UGT1A4: variants seen among roughly 807,000 people sequenced by gnomAD.
The protein encoded by UGT1A4 is UDP-glucuronosyltransferase 1A4.
Under a neutral mutation model 41.1 loss-of-function variants are expected in UGT1A4, and 32 were observed. That is an observed-to-expected ratio of 0.78 (90% CI 0.59 to 1.05). The LOEUF (loss-of-function observed/expected upper bound fraction) is 1.05, where lower values mean the gene tolerates loss of function less well. Ranked by LOEUF, UGT1A4 falls within the 50% of genes least tolerant of loss-of-function variation. The pLI is 0.00. For synonymous variants in UGT1A4, 283 were observed against 265.1 expected (o/e 1.07, Z -0.66); for missense variants, 748 against 677.4 (o/e 1.10, Z -1.16).
intron 1 of UGT1A4, among the ~76,000 whole-genome samples, chr2:233,722,482 A>G (rs1187534654): frequency 6.6e-6 from 1 of 151,926 alleles, no homozygotes; most frequent in Non-Finnish European, 1.5e-5. Context: ...TATTCTTTTC[A>G]CTGTTTCATT....
At chr2:233,751,873 T>C (rs1694839350) in intron 1 of UGT1A4, among the ~76,000 whole-genome samples, 1 of 152,168 alleles carries the variant, frequency 6.6e-6, no homozygotes, top group African/African-American at 2.4e-5. Flanking sequence ...AATTACCCCG[T>C]CTTGGGTATG....
At chr2:233,744,167 C>T (rs571958396) in intron 1 of UGT1A4, among the ~76,000 whole-genome samples, 8 of 151,954 alleles carry the variant, frequency 5.3e-5, no homozygotes, top group South Asian at 4.1e-4. Flanking sequence ...CCGCCCACTC[C>T]GGCCTCCAAC....
At chr2:233,724,757 G>A (rs2077306288) in intron 1 of UGT1A4, among the ~76,000 whole-genome samples, 1 of 143,864 alleles carries the variant, frequency 7.0e-6, no homozygotes, top group Non-Finnish European at 1.5e-5. Context: ...CCAGACGATG[G>A]GCGGCCAGGC....
intron 1 of UGT1A4, among the ~76,000 whole-genome samples, chr2:233,748,687 A>G (rs1421247794): frequency 6.6e-6 from 1 of 151,492 alleles, no homozygotes; most frequent in Non-Finnish European, 1.5e-5. Flanking sequence ...CTGACAAAAG[A>G]TTTTTCTGGT....
chr2:233,765,251 A>C (rs1476483631), intron 1 of UGT1A4, among the ~76,000 whole-genome samples: 1 of 152,222 alleles, frequency 6.6e-6, no homozygotes, highest in African/African-American at 2.4e-5. Flanking sequence ...TAATCCCATT[A>C]CTGGGTATAT....
chr2:233,768,108 G>C, intron 3 of UGT1A4, 112 bp from the exon 4 acceptor site: 1 of 1,594,934 alleles, frequency 6.3e-7, no homozygotes, highest in South Asian at 1.1e-5. Flanking sequence ...GCAAATTTCT[G>C]CAAGGGCATG....
At chr2:233,729,773 AC>A (rs1344776353) in intron 1 of UGT1A4, 1 of 1,613,832 alleles carries the variant, frequency 6.2e-7, no homozygotes, top group African/African-American at 1.3e-5. Context: ...AACATGCTCT[AC>A]CCTCTGGCCC....
At chr2:233,748,842 G>A (rs562838283) in intron 1 of UGT1A4, among the ~76,000 whole-genome samples, 4 of 151,506 alleles carry the variant, frequency 2.6e-5, no homozygotes, top group South Asian at 2.1e-4. Context: ...ATAAAACTGT[G>A]AGCGTATAAG....
intron 1 of UGT1A4, among the ~76,000 whole-genome samples, chr2:233,724,206 A>T (rs2077188856): frequency 1.7e-5 from 2 of 117,190 alleles, no homozygotes; most frequent in African/African-American, 3.7e-5. Flanking sequence ...GGCCGGGCTG[A>T]GGGGCTCCTC....
chr2:233,760,363 C>A lies in UGT1A4; in HGVS notation c.868-6671C>A, dbSNP rs1400895192. On this transcript the variant is annotated intron_variant, in intron 1 of 4. Transcript: ENST00000373409. ...GTGTGTGCTGGGCCCAGTGGTGTCC[C>A]ATGCTGGGAAGATACTGTTGATCCC... is the stretch of plus-strand genomic sequence containing the variant. 5.0e-6 allele frequency: 8 copies of A among 1,614,118 alleles called. No homozygotes were observed. In the East Asian group the frequency reaches 1.8e-4, roughly 36 times the overall value.
chr2:233,767,989 T>C lies in UGT1A4; in HGVS notation c.1087+53T>C, dbSNP rs1699539176. The C allele has an allele frequency of 3.1e-6, 5 of 1,614,076 alleles. No homozygotes were observed. In the Admixed American group the frequency reaches 5.0e-5, roughly 16 times the overall value. Reference sequence around the variant, plus strand: ...TCAAACCAGGGTCAAATTAAGAAAATGGCTTAAGCACAGCTATTCTAAAGG... The same window carrying C: ...TCAAACCAGGGTCAAATTAAGAAAACGGCTTAAGCACAGCTATTCTAAAGG... On this transcript the variant is annotated intron_variant, in intron 3 of 4. Coordinates refer to ENST00000373409, the MANE Select transcript of UGT1A4 (RefSeq NM_007120.3).
At chr2:233,735,317 G>A (rs1343074609) in intron 1 of UGT1A4, among the ~76,000 whole-genome samples, 2 of 152,024 alleles carry the variant, frequency 1.3e-5, no homozygotes, top group African/African-American at 2.4e-5. Flanking sequence ...TTTTATCAGA[G>A]ACTAGGATTG....
intron 1 of UGT1A4, among the ~76,000 whole-genome samples, chr2:233,724,736 C>A (rs1232972283): frequency 7.0e-6 from 1 of 142,768 alleles, no homozygotes; most frequent in African/African-American, 2.6e-5. Flanking sequence ...GGCAGAGGGG[C>A]TCCTCACATC....
chr2:233,766,710 C>T (rs1053778775), intron 1 of UGT1A4, among the ~76,000 whole-genome samples: 3 of 152,122 alleles, frequency 2.0e-5, no homozygotes, highest in Non-Finnish European at 1.5e-5. Context: ...TCTGTGTTCT[C>T]TAAGTGGAAT....
At chr2:233,745,811 G>C (rs148112408) in intron 1 of UGT1A4, among the ~76,000 whole-genome samples, 1 of 151,496 alleles carries the variant, frequency 6.6e-6, no homozygotes, top group East Asian at 1.9e-4. Flanking sequence ...CCAGAGTTTT[G>C]AGAGCAAGGC....
intron 1 of UGT1A4, chr2:233,743,684 G>A (rs753997745): frequency 1.5e-6 from 2 of 1,367,252 alleles, no homozygotes; most frequent in Non-Finnish European, 2.0e-6. Context: ...CCTGCCGCCT[G>A]TGCAGCCGCC....
chr2:233,728,958 A>G (rs2077771946), intron 1 of UGT1A4: 1 of 1,444,154 alleles, frequency 6.9e-7, no homozygotes, highest in Non-Finnish European at 9.2e-7. Flanking sequence ...CCCACAGTGA[A>G]AAACAGTGAT....
chr2:233,719,651 G>A lies in UGT1A4; in HGVS notation c.831G>A (p.Gly277=), dbSNP rs776482882. The stretch of plus-strand genomic sequence containing the variant: ...TCATGCCCAACATGGTCTTCATTGG[G>A]GGCATCAACTGTGCCAACGGGAAGC... ...RPIMPNMVFI[G]GINCANGKPL... is the part of the protein sequence containing the mutation. The change falls in exon 1 of 5, where the codon GGG becomes GGA. Residue 277 remains glycine, a synonymous_variant. Coordinates refer to ENST00000373409, the MANE Select transcript of UGT1A4 (RefSeq NM_007120.3). 6.2e-7 allele frequency: 1 copy of A among 1,614,068 alleles called. No individual in the cohort carries two copies. Among genetic ancestry groups the A allele is most frequent in the Non-Finnish European group, 8.5e-7 (1 of 1,179,966 alleles).
Position 233,757,535 on chromosome 2 carries a change from A to AATATATATATATATATATAT in UGT1A4, c.868-9492_868-9473dup, listed in dbSNP as rs67292694. Among the ~76,000 whole-genome samples the AATATATATATATATATATAT allele has an allele frequency of 6.1e-3, 541 of 88,064 alleles. 3 individuals are homozygous for AATATATATATATATATATAT. The highest frequency in any genetic ancestry group is 0.013 in the East Asian group (47 of 3,574). The allele number at this position is 88,064 out of a possible 152,430, so 57.8% of individuals were successfully genotyped here. On this transcript the variant is annotated intron_variant, in intron 1 of 4. Coordinates refer to ENST00000373409, the MANE Select transcript of UGT1A4 (RefSeq NM_007120.3). ...CAAAGCCAAAATCTTGCCTGTAAGG[A>AATATATATATATATATATAT]ATATATATATATATATATATATATA...
Sources: gnomAD v4.1 joint callset for allele counts (sites outside exome capture counted in the v4.1 genomes callset) on GRCh38, gnomAD v4.1.1 for gene constraint, MANE v1.5 for transcripts, NCBI Gene and HGNC (gene_info 2026-07-23, HGNC 2026-07-21) for gene names.